The following LAMA2 variants were observed in gnomAD, a reference collection of about 807,000 sequenced individuals.
LAMA2 encodes the protein laminin subunit alpha-2.
Under a neutral mutation model 364.8 loss-of-function variants are expected in LAMA2, and 269 were observed. The ratio of observed to expected loss-of-function variants is 0.74; its 90% CI spans 0.67 to 0.82. LAMA2 has a LOEUF of 0.82. Among genes scored for constraint, LAMA2 ranks in the 40% least tolerant of loss-of-function variants. The pLI is 0.00. For synonymous variants in LAMA2, 1,379 were observed against 1,370.6 expected, an observed-to-expected ratio of 1.01 and a Z score of -0.14; for missense variants, 3,807 against 3,873.2, an observed-to-expected ratio of 0.98 and a Z score of 0.45.
Position 129,316,219 on chromosome 6 carries a change from G to A in LAMA2, c.4058+48G>A, listed in dbSNP as rs200613206. 4.1e-5 allele frequency: 60 copies of A among 1,468,270 alleles called. No individual in the cohort carries two copies. The Admixed American group carries it at 4.2e-4, about 10-fold the overall frequency. 91.0% of individuals were successfully genotyped at this position (1,468,270 alleles called of 1,614,324 possible). ...CAAGCTCTTATTTTAGAGTCTGTAAGGAAGGTTATTGACCTACAGATATCA... is the reference window on the plus strand; with the variant it reads ...CAAGCTCTTATTTTAGAGTCTGTAAAGAAGGTTATTGACCTACAGATATCA... On this transcript the variant is annotated intron_variant, in intron 27 of 64. Coordinates refer to ENST00000421865, the MANE Select transcript of LAMA2 (RefSeq NM_000426.4).
chr6:129,147,075 C>T (rs757474311), intron 6 of LAMA2, 27 bp downstream of exon 6: 1 of 1,366,046 alleles, frequency 7.3e-7, no homozygotes, highest in Non-Finnish European at 1.0e-6. Context: ...GATGCTTAGG[C>T]AAAATGAAGC....
chr6:129,254,273 T>C (rs982528683), intron 14 of LAMA2, among the ~76,000 whole-genome samples: 4 of 152,224 alleles, frequency 2.6e-5, no homozygotes, highest in Admixed American at 1.3e-4. Flanking sequence ...TTAGATGGAA[T>C]TGTATAACAG....
chr6:129,175,642 G>A (rs1245703549), intron 9 of LAMA2, among the ~76,000 whole-genome samples: 1 of 152,154 alleles, frequency 6.6e-6, no homozygotes, highest in Non-Finnish European at 1.5e-5. Flanking sequence ...GTTGAACAAT[G>A]AGAACACATG....
intron 28 of LAMA2, among the ~76,000 whole-genome samples, chr6:129,324,777 A>G (rs1386199457): frequency 6.6e-6 from 1 of 152,232 alleles, no homozygotes; most frequent in Admixed American, 6.5e-5. Flanking sequence ...GCAAAGGTAC[A>G]TTAAAAATAT....
At chr6:129,352,368 C>A (rs1199447704) in intron 31 of LAMA2, among the ~76,000 whole-genome samples, 2 of 152,148 alleles carry the variant, frequency 1.3e-5, no homozygotes, top group Non-Finnish European at 2.9e-5. Context: ...CAGTTGGATT[C>A]TCTTTCTACT....
chr6:129,504,621 C>T (rs1249182442), intron 60 of LAMA2, among the ~76,000 whole-genome samples: 1 of 152,148 alleles, frequency 6.6e-6, no homozygotes, highest in Non-Finnish European at 1.5e-5. Context: ...GAAGATAATT[C>T]ACTCCACCGC....
intron 51 of LAMA2, 38 bp downstream of exon 51, chr6:129,465,327 T>C (rs140646349): frequency 1.6e-5 from 24 of 1,539,862 alleles, no homozygotes; most frequent in Non-Finnish European, 2.1e-5. Flanking sequence ...TAGGCCTTAA[T>C]CATGAAATCC....
chr6:129,381,382 G>A (rs896877585), intron 34 of LAMA2, among the ~76,000 whole-genome samples: 7 of 151,122 alleles, frequency 4.6e-5, no homozygotes, highest in South Asian at 4.2e-4. Context: ...TCGCTCTGTC[G>A]CCAGGCTGGA....
At chr6:129,029,403 A>T (rs1194943715) in intron 1 of LAMA2, among the ~76,000 whole-genome samples, 1 of 152,054 alleles carries the variant, frequency 6.6e-6, no homozygotes, top group African/African-American at 2.4e-5. Flanking sequence ...CTCTTGAAAA[A>T]GCAAACGGAT....
At chr6:128,992,938 A>C (rs1044063775) in intron 1 of LAMA2, among the ~76,000 whole-genome samples, 1 of 152,230 alleles carries the variant, frequency 6.6e-6, no homozygotes, top group African/African-American at 2.4e-5. Flanking sequence ...CTACAGGGCT[A>C]TCCAAAAGAA....
chr6:129,357,464 A>C (rs150213263), intron 32 of LAMA2, among the ~76,000 whole-genome samples: 33 of 152,132 alleles, frequency 2.2e-4, no homozygotes, highest in African/African-American at 7.9e-4. Context: ...TTTGGGATAT[A>C]TCAGCTTTTA....
chr6:129,280,311 T>C (rs1345052776), intron 18 of LAMA2, among the ~76,000 whole-genome samples, 164 bp downstream of exon 18: 1 of 152,236 alleles, frequency 6.6e-6, no homozygotes, highest in African/African-American at 2.4e-5. Flanking sequence ...ATTATATTTT[T>C]GTAATTTATT....
At chr6:129,159,586 T>C in intron 8 of LAMA2, among the ~76,000 whole-genome samples, 1 of 152,200 alleles carries the variant, frequency 6.6e-6, no homozygotes, top group Non-Finnish European at 1.5e-5. Flanking sequence ...AAACAATCAT[T>C]TTACCTGCAA....
chr6:129,419,185 T>A (rs1371844094), intron 40 of LAMA2, among the ~76,000 whole-genome samples: 1 of 152,140 alleles, frequency 6.6e-6, no homozygotes, highest in African/African-American at 2.4e-5. Context: ...AAATGATAGA[T>A]GTCTCAGGGT....
chr6:129,225,535 C>T (rs144695720), intron 12 of LAMA2, among the ~76,000 whole-genome samples: 1 of 152,160 alleles, frequency 6.6e-6, no homozygotes, highest in Non-Finnish European at 1.5e-5. Flanking sequence ...TATGTTGTAT[C>T]TTTGTTCTCA....
chr6:129,156,019 G>A (rs1156229335), intron 8 of LAMA2, among the ~76,000 whole-genome samples: 1 of 151,782 alleles, frequency 6.6e-6, no homozygotes, highest in Non-Finnish European at 1.5e-5. Flanking sequence ...GATATTTATT[G>A]TACAGCATGG....
At chr6:129,363,140 C>T (rs902289796) in intron 32 of LAMA2, among the ~76,000 whole-genome samples, 3 of 152,058 alleles carry the variant, frequency 2.0e-5, no homozygotes, top group Non-Finnish European at 4.4e-5. Context: ...AAGACCCCAT[C>T]TCTATGTTAA....
intron 9 of LAMA2, among the ~76,000 whole-genome samples, chr6:129,173,004 T>G (rs1184883371): frequency 2.6e-5 from 4 of 152,230 alleles, no homozygotes; most frequent in Non-Finnish European, 5.9e-5. Context: ...GCTTCCCAAG[T>G]GAGGCAATGC....
At chr6:129,347,408 A>G (rs1054651684) in intron 30 of LAMA2, among the ~76,000 whole-genome samples, 1 of 152,074 alleles carries the variant, frequency 6.6e-6, no homozygotes, top group African/African-American at 2.4e-5. Flanking sequence ...GAGAGAGGAG[A>G]AGGGAACAGA....
Sources: allele counts gnomAD v4.1 joint callset (sites outside exome capture counted in the v4.1 genomes callset), GRCh38; gene constraint gnomAD v4.1.1; transcripts MANE v1.5; gene names NCBI Gene and HGNC (gene_info 2026-07-23, HGNC 2026-07-21).